The following SH3RF1 variants were observed in gnomAD, a reference collection of about 807,000 sequenced individuals.
SH3RF1 encodes SH3 domain containing ring finger 1.
Under a neutral mutation model 74.0 loss-of-function variants are expected in SH3RF1, and 32 were observed. That is an observed-to-expected ratio of 0.43 (90% CI 0.33 to 0.58). The LOEUF is 0.58. SH3RF1 is among the 20% of genes least tolerant of loss of function. The pLI is 0.05. For missense variants in SH3RF1, 954 were observed against 1,130.9 expected (o/e 0.84, Z 2.24); for synonymous variants, 396 against 439.6 (o/e 0.90, Z 1.24).
intron 11 of SH3RF1, 116 bp from the exon 12 acceptor site, chr4:169,096,803 T>C (rs1464951535): frequency 9.8e-6 from 10 of 1,021,638 alleles, no homozygotes; most frequent in South Asian, 1.6e-5. Context: ...AATTCATTTA[T>C]GATTGTAAAA....
intron 3 of SH3RF1, among the ~76,000 whole-genome samples, chr4:169,155,909 T>G (rs35761730): frequency 0.12 from 18,028 of 152,168 alleles, 1,136 homozygotes; most frequent in Non-Finnish European, 0.15. Flanking sequence ...CTCCTCATTT[T>G]CTGAAAATAA....
chr4:169,158,859 A>C (rs1442739275), intron 2 of SH3RF1, among the ~76,000 whole-genome samples: 1 of 152,222 alleles, frequency 6.6e-6, no homozygotes, highest in Non-Finnish European at 1.5e-5. Context: ...ACTACCTATA[A>C]GCCAAATTTG....
chr4:169,161,412 T>C (rs956714690), intron 2 of SH3RF1, among the ~76,000 whole-genome samples: 2 of 152,258 alleles, frequency 1.3e-5, no homozygotes, highest in Non-Finnish European at 2.9e-5. Flanking sequence ...TCATGTGATC[T>C]GCCTATAAAT....
chr4:169,251,973 T>G (rs1731112421), intron 2 of SH3RF1, among the ~76,000 whole-genome samples: 1 of 152,218 alleles, frequency 6.6e-6, no homozygotes. Context: ...CATGTGTTTG[T>G]GCCAACTAAG....
chr4:169,213,043 A>T (rs115195887), intron 2 of SH3RF1, among the ~76,000 whole-genome samples: 2,171 of 152,362 alleles, frequency 0.014, 50 homozygotes, highest in African/African-American at 0.049. Context: ...CGACTAACTT[A>T]GGCAAACACC....
chr4:169,165,268 T>C (rs937705445), intron 2 of SH3RF1, among the ~76,000 whole-genome samples: 55 of 151,520 alleles, frequency 3.6e-4, no homozygotes, highest in Non-Finnish European at 1.2e-4. Context: ...TAGGGAGGAA[T>C]GATCATGTAC....
intron 2 of SH3RF1, chr4:169,219,977 C>T (rs1285845903): frequency 1.3e-5 from 2 of 149,428 alleles, no homozygotes; most frequent in Non-Finnish European, 3.0e-5. Flanking sequence ...TACAAACTAG[C>T]GTGTGGTACT....
At position 169,176,796 on chromosome 4, in the gene SH3RF1, C is replaced by G. The variant is rs574254337; in HGVS notation, c.394-20117G>C. Reference sequence around the variant, plus strand: ...CCTCAGGCAATCCACCCGCCTCAGCCTCCCAAAGTGCTGGGATACAGGCAT... The same window carrying G: ...CCTCAGGCAATCCACCCGCCTCAGCGTCCCAAAGTGCTGGGATACAGGCAT... On this transcript the variant is annotated intron_variant, in intron 2 of 11. Coordinates refer to ENST00000284637, the MANE Select transcript of SH3RF1 (RefSeq NM_020870.4). 3.3e-5 allele frequency among the ~76,000 whole-genome samples: 5 copies of G among 152,350 alleles called. No individual in the cohort carries two copies. The South Asian group carries it at 6.2e-4, about 19-fold the overall frequency.
intron 2 of SH3RF1, among the ~76,000 whole-genome samples, chr4:169,189,038 A>C (rs1734656403): frequency 6.6e-6 from 1 of 152,282 alleles, no homozygotes; most frequent in African/African-American, 2.4e-5. Context: ...GATACAATTT[A>C]ACTGTCTCAT....
intron 2 of SH3RF1, among the ~76,000 whole-genome samples, chr4:169,183,123 T>C (rs555401946): frequency 1.3e-5 from 2 of 152,038 alleles, no homozygotes; most frequent in East Asian, 2.0e-4. Flanking sequence ...CTCGCCAACA[T>C]GGCGAAACTC....
intron 2 of SH3RF1, among the ~76,000 whole-genome samples, chr4:169,233,035 G>A (rs1292909931): frequency 6.6e-6 from 1 of 152,232 alleles, no homozygotes; most frequent in African/African-American, 2.4e-5. Context: ...GATCACCTAA[G>A]GTTAGGAGTT....
At chr4:169,104,492 T>C (rs60868577) in intron 11 of SH3RF1, among the ~76,000 whole-genome samples, 1 of 152,198 alleles carries the variant, frequency 6.6e-6, no homozygotes, top group Non-Finnish European at 1.5e-5. Flanking sequence ...AGAGGAAAGA[T>C]AAAATGATTT....
intron 5 of SH3RF1, among the ~76,000 whole-genome samples, chr4:169,135,725 A>G (rs1385810855): frequency 6.6e-6 from 1 of 152,170 alleles, no homozygotes; most frequent in Admixed American, 6.6e-5. Flanking sequence ...CAGTCATCCC[A>G]TGTATTTTTA....
In SH3RF1 at chr4:169,096,167, G is replaced by A. The variant is rs927687659; in HGVS notation, c.*352C>T. On this transcript the variant is annotated 3_prime_UTR_variant, in exon 12 of 12. Transcript: ENST00000284637. ...TTCTTAAAATCATAATCCAAAGAAC[G>A]TATCTATTATACGAAAAGTTCAAGT... 4 of 181,298 alleles carry A rather than the reference G, an allele frequency of 2.2e-5. No individual in the cohort carries two copies. Among genetic ancestry groups the A allele is most frequent in the African/African-American group, 7.1e-5 (3 of 42,422 alleles). The allele number at this position is 181,298 out of a possible 1,614,324, so 11.2% of individuals were successfully genotyped here. A position where few individuals can be genotyped will look rare whatever the true frequency, so the allele number is the denominator to read the frequency against.
In SH3RF1 at chr4:169,107,042, C is replaced by A. The variant is rs529735470; in HGVS notation, c.2303G>T (p.Gly768Val). ...GTCCACAGGGCAGGAGCCTGCCCTG[C>A]CATGGCCACCTCCTGGTGGCAGTTC... ...GPELPPGGGH[G>V]RAGSCPVDGD... Residue 768 changes from glycine (G) to valine (V), a missense_variant, in exon 11 of 12, where the codon GGC becomes GTC. Coordinates refer to ENST00000284637, the MANE Select transcript of SH3RF1 (RefSeq NM_020870.4). The A allele has an allele frequency of 3.1e-6, 5 of 1,613,860 alleles. No homozygotes were observed. In the South Asian group the frequency reaches 5.5e-5, roughly 18 times the overall value.
chr4:169,234,357 G>A (rs180982626), intron 2 of SH3RF1, among the ~76,000 whole-genome samples: 1 of 152,220 alleles, frequency 6.6e-6, no homozygotes, highest in Non-Finnish European at 1.5e-5. Context: ...AATGTCAAGA[G>A]TGTGAGGTTG....
intron 6 of SH3RF1, among the ~76,000 whole-genome samples, chr4:169,127,731 G>C (rs1046267540): frequency 1.3e-5 from 2 of 152,104 alleles, no homozygotes; most frequent in African/African-American, 2.4e-5. Flanking sequence ...GTTCTCTTGT[G>C]ACCTGTCCCA....
At chr4:169,194,596 AC>A (rs1261239046) in intron 2 of SH3RF1, among the ~76,000 whole-genome samples, 2 of 152,202 alleles carry the variant, frequency 1.3e-5, no homozygotes, top group Non-Finnish European at 2.9e-5. Flanking sequence ...CAAATATAAA[AC>A]ATTTTATCCA....
intron 2 of SH3RF1, among the ~76,000 whole-genome samples, chr4:169,266,929 C>A (rs1380487811): frequency 1.3e-5 from 2 of 152,180 alleles, no homozygotes; most frequent in Admixed American, 1.3e-4. Flanking sequence ...CTGTTCCATC[C>A]ACCTCAACTA....
Sources: gnomAD v4.1 joint callset for allele counts (sites outside exome capture counted in the v4.1 genomes callset) on GRCh38, gnomAD v4.1.1 for gene constraint, MANE v1.5 for transcripts, NCBI Gene and HGNC (gene_info 2026-07-23, HGNC 2026-07-21) for gene names.